The following ANOS1 variants were observed in gnomAD, a reference collection of about 807,000 sequenced individuals.
ANOS1 encodes anosmin 1, also known as anosmin-1.
A neutral mutation model predicts 59.0 loss-of-function variants in ANOS1; 6 were observed. The ratio of observed to expected loss-of-function variants is 0.10; its 90% confidence interval spans 0.06 to 0.20. The LOEUF is 0.20. Ranked by LOEUF, ANOS1 falls within the 10% of genes least tolerant of loss-of-function variation. ANOS1 has a pLI of 1.00. For missense variants in ANOS1, 433 were observed against 542.3 expected (o/e 0.80, Z 2.00); for synonymous variants, 217 against 223.4 (o/e 0.97, Z 0.25).
Position 8,594,396 on chromosome X carries a change from C to T in ANOS1, c.541+2638G>A, listed in dbSNP as rs759401740. On this transcript the variant is annotated intron_variant, in intron 4 of 13. Transcript: ENST00000262648. The stretch of plus-strand genomic sequence containing the variant: ...GGGATGGGTTAGAACGGACACTTTC[C>T]CTGGGGCTTGTGTACATCAGTCCCC... Among the ~76,000 whole-genome samples, 8 of 107,003 alleles carry T rather than the reference C, an allele frequency of 7.5e-5. 1 individual carries two copies. The highest frequency in any genetic ancestry group is 2.4e-4 in the African/African-American group (7 of 29,409). The allele number at this position is 107,003 out of a possible 115,157, so 92.9% of individuals were successfully genotyped here. A position where few individuals can be genotyped will look rare whatever the true frequency, so the allele number is the denominator to read the frequency against.
At chrX:8,550,792 A>G (rs1473143278) in intron 9 of ANOS1, among the ~76,000 whole-genome samples, 2 of 110,279 alleles carry the variant, frequency 1.8e-5, no homozygotes, top group African/African-American at 6.6e-5. Context: ...AAAAAAAAAG[A>G]ACACTGACCC....
At chrX:8,714,450 T>A (rs1466933569) in intron 1 of ANOS1, among the ~76,000 whole-genome samples, 1 of 111,186 alleles carries the variant, frequency 9.0e-6, no homozygotes, top group Non-Finnish European at 1.9e-5. Context: ...AGGATATGCT[T>A]CCGGATAACA....
intron 8 of ANOS1, among the ~76,000 whole-genome samples, chrX:8,556,489 G>C (rs1601952482): frequency 8.9e-6 from 1 of 111,855 alleles, no homozygotes; most frequent in South Asian, 3.7e-4. Flanking sequence ...AAAGTCTCAG[G>C]ATACAAAATC....
chrX:8,714,810 T>C (rs1163371137), intron 1 of ANOS1, among the ~76,000 whole-genome samples: 1 of 112,308 alleles, frequency 8.9e-6, no homozygotes, highest in African/African-American at 3.2e-5. Flanking sequence ...ATTGTTTTCT[T>C]GTGATATATG....
Position 8,587,830 on chromosome X carries a change from G to A in ANOS1, c.690C>T (p.Ser230=), listed in dbSNP as rs764251654. Residue 230 remains serine (S), a synonymous_variant, in exon 5 of 14, where the codon AGC becomes AGT. Transcript: ENST00000262648. ...QRRWNYGIHP[S]EDDATHWQTV... is the part of the protein sequence containing the mutation. ...TCTGCCAGTGAGTGGCGTCATCTTC[G>A]CTAGGATGGATTCCATAATTCCATC... The A allele has an allele frequency of 8.3e-6, 10 of 1,205,502 alleles. No individual in the cohort carries two copies. The highest frequency in any genetic ancestry group is 7.1e-5 in the South Asian group (4 of 55,977).
At chrX:8,554,567 T>TG (rs1326532639) in intron 8 of ANOS1, among the ~76,000 whole-genome samples, 2 of 99,782 alleles carry the variant, frequency 2.0e-5, no homozygotes, top group African/African-American at 7.5e-5. Flanking sequence ...TTTTTTTTTT[T>TG]TTTGTTGTTG....
At chrX:8,661,627 C>A (rs5933676) in intron 2 of ANOS1, among the ~76,000 whole-genome samples, 51,038 of 110,532 alleles carry the variant, frequency 0.46, 10,785 homozygotes, top group African/African-American at 0.84. Flanking sequence ...GATTTTAATG[C>A]AGGATTATAT....
chrX:8,542,702 C>T (rs1929708582), intron 9 of ANOS1, among the ~76,000 whole-genome samples: 1 of 110,802 alleles, frequency 9.0e-6, no homozygotes, highest in Admixed American at 9.6e-5. Context: ...CTGGTGGTGC[C>T]CTTCCACCAG....
intron 3 of ANOS1, among the ~76,000 whole-genome samples, chrX:8,608,075 A>C: frequency 8.9e-6 from 1 of 111,980 alleles, no homozygotes; most frequent in Non-Finnish European, 1.9e-5. Flanking sequence ...AGCTTGACAA[A>C]TACACAAGCA....
intron 1 of ANOS1, among the ~76,000 whole-genome samples, chrX:8,721,589 A>C (rs1041988178): frequency 5.4e-5 from 6 of 112,144 alleles, no homozygotes; most frequent in Non-Finnish European, 1.1e-4. Context: ...TCCAACCGCA[A>C]GCCAAGAGAT....
chrX:8,725,801 T>A (rs185974709), intron 1 of ANOS1, among the ~76,000 whole-genome samples: 169 of 104,493 alleles, frequency 1.6e-3, no homozygotes, highest in African/African-American at 5.9e-3. Flanking sequence ...AACAAGTTAG[T>A]AAGTGTATTT....
rs149911599 is a variant in ANOS1 at position 8,677,339 on chromosome X, T to G, written c.255+22359A>C. 2.1e-3 allele frequency among the ~76,000 whole-genome samples: 239 copies of G among 112,016 alleles called. 1 individual carries two copies. Among genetic ancestry groups the G allele is most frequent in the African/African-American group, 7.4e-3 (227 of 30,832 alleles). On this transcript the variant is annotated intron_variant, in intron 2 of 13. Transcript: ENST00000262648. ...CCCTTGAGGACAAAATCACCTCTGG[T>G]TGAAAACCACTAGGCTACAGAGATG...
chrX:8,619,466 T>C (rs1297107082), intron 3 of ANOS1, among the ~76,000 whole-genome samples: 1 of 110,446 alleles, frequency 9.1e-6, no homozygotes, highest in Non-Finnish European at 1.9e-5. Flanking sequence ...TAGCCGGGCG[T>C]GGTGATGCAT....
rs775367081 is a variant in ANOS1, at chrX:8,616,152, C to T, written c.318+7456G>A. On this transcript the variant is annotated intron_variant, in intron 3 of 13. Transcript: ENST00000262648. ...CAATTAGGCATTTTCTTCTGCCACC[C>T]AATAACACTGCTCTTGTCAAAGTCC... Among the ~76,000 whole-genome samples the T allele has an allele frequency of 3.6e-5, 4 of 110,631 alleles. No homozygotes were observed. The East Asian group carries it at 1.1e-3, about 32-fold the overall frequency.
chrX:8,635,811 T>C (rs1482685799), intron 2 of ANOS1, among the ~76,000 whole-genome samples: 2 of 111,706 alleles, frequency 1.8e-5, no homozygotes, highest in African/African-American at 3.2e-5. Context: ...TCGCTCAGCT[T>C]TCTCCAATAC....
intron 1 of ANOS1, among the ~76,000 whole-genome samples, chrX:8,719,179 G>A (rs931495303): frequency 9.0e-6 from 1 of 111,494 alleles, no homozygotes; most frequent in African/African-American, 3.3e-5. Flanking sequence ...TCTCTCTCCC[G>A]TATTTTAGGC....
intron 2 of ANOS1, among the ~76,000 whole-genome samples, chrX:8,657,805 G>A (rs1245777810): frequency 9.0e-6 from 1 of 111,240 alleles, no homozygotes; most frequent in South Asian, 3.8e-4. Context: ...GCACAGTCTG[G>A]TTTTACATGA....
At chrX:8,699,577 C>T (rs1450175381) in intron 2 of ANOS1, 121 bp downstream of exon 2, 2 of 455,738 alleles carry the variant, frequency 4.4e-6, no homozygotes, top group African/African-American at 4.9e-5. Context: ...TAAAGTGTAA[C>T]CATTGGTGGA....
At chrX:8,681,013 G>C (rs1252992059) in intron 2 of ANOS1, among the ~76,000 whole-genome samples, 1 of 111,418 alleles carries the variant, frequency 9.0e-6, no homozygotes, top group Non-Finnish European at 1.9e-5. Context: ...CGCATAACAA[G>C]CCTTAGTAAA....
Sources: gnomAD v4.1 joint callset for allele counts (sites outside exome capture counted in the v4.1 genomes callset) on GRCh38, gnomAD v4.1.1 for gene constraint, MANE v1.5 for transcripts, NCBI Gene and HGNC (gene_info 2026-07-23, HGNC 2026-07-21) for gene names.